The following DRD3 variants were observed in gnomAD, a reference collection of about 807,000 sequenced individuals.
The protein encoded by DRD3 is dopamine receptor D3.
Under a neutral mutation model 36.3 loss-of-function variants are expected in DRD3, and 19 were observed. The ratio of observed to expected loss-of-function variants is 0.52; its 90% CI spans 0.36 to 0.77. The LOEUF is 0.77. Ranked by LOEUF, DRD3 falls within the 30% of genes least tolerant of loss-of-function variation. The pLI, the probability that DRD3 is intolerant of heterozygous loss-of-function variation, is 0.00. For missense variants in DRD3, 465 were observed against 505.3 expected, an observed-to-expected ratio of 0.92 and a Z score of 0.77; for synonymous variants, 195 against 203.7, an observed-to-expected ratio of 0.96 and a Z score of 0.36.
chr3:114,190,410 TAATATATATATATATATA>T lies in DRD3; in HGVS notation c.-156+8845_-156+8862del, dbSNP rs1560006079. Among the ~76,000 whole-genome samples the T allele has an allele frequency of 2.4e-4, 14 of 58,190 alleles. No homozygotes were observed. In the East Asian group the frequency reaches 5.2e-3, roughly 21 times the overall value. 38.2% of individuals were successfully genotyped at this position (58,190 alleles called of 152,430 possible). A position where few individuals can be genotyped will look rare whatever the true frequency, so the allele number is the denominator to read the frequency against. The stretch of plus-strand genomic sequence containing the variant: ...AATGCATCCTAGAGAGGAAAAAGGA[TAATATATATATATATATA>T]TATATATATATATATATATATATAT... On this transcript the variant is annotated intron_variant, in intron 1 of 7. Transcript: ENST00000460779.
At chr3:114,193,228 A>C (rs1278165620) in intron 1 of DRD3, among the ~76,000 whole-genome samples, 1 of 152,160 alleles carries the variant, frequency 6.6e-6, no homozygotes, top group Admixed American at 6.6e-5. Context: ...GGAGTGAGCC[A>C]AGATCGCGCC....
chr3:114,170,043 A>C (rs1185517493), intron 2 of DRD3, among the ~76,000 whole-genome samples: 1 of 152,208 alleles, frequency 6.6e-6, no homozygotes, highest in Non-Finnish European at 1.5e-5. Flanking sequence ...AGAAATGGAC[A>C]AAAACATTTT....
At chr3:114,145,458 C>A (rs1004838388) in intron 4 of DRD3, among the ~76,000 whole-genome samples, 1 of 152,126 alleles carries the variant, frequency 6.6e-6, no homozygotes, top group Non-Finnish European at 1.5e-5. Context: ...GATAACATCA[C>A]CATATTTTGA....
chr3:114,136,082 A>T (rs2077472269), intron 5 of DRD3, among the ~76,000 whole-genome samples: 1 of 152,222 alleles, frequency 6.6e-6, no homozygotes, highest in South Asian at 2.1e-4. Context: ...AAACTAGGGG[A>T]TGGGAAACAA....
chr3:114,193,551 C>T (rs2078022823), intron 1 of DRD3, among the ~76,000 whole-genome samples: 1 of 152,198 alleles, frequency 6.6e-6, no homozygotes, highest in Non-Finnish European at 1.5e-5. Flanking sequence ...TACTGGACTT[C>T]TATTTCACCT....
intron 1 of DRD3, among the ~76,000 whole-genome samples, chr3:114,193,311 A>G (rs2078021818): frequency 2.0e-5 from 3 of 152,058 alleles, no homozygotes; most frequent in Admixed American, 6.6e-5. Context: ...CAACAACAAC[A>G]ACAACAGAAC....
rs75091114 is a variant in DRD3, at chr3:114,171,709, T to C, written c.270+14A>G. On this transcript the variant is annotated intron_variant, in intron 2 of 6. Coordinates refer to ENST00000383673, the MANE Select transcript of DRD3 (RefSeq NM_000796.6). ...CACAGTCATAGAGACAACATGCACC[T>C]GAAGTCTACTCACCTCCAGGTATAC... The C allele has an allele frequency of 7.7e-4, 1,207 of 1,576,900 alleles. 3 individuals carry two copies. Among genetic ancestry groups the C allele is most frequent in the Non-Finnish European group, 8.6e-4 (993 of 1,160,748 alleles).
chr3:114,150,888 C>T (rs2077611163), intron 3 of DRD3, among the ~76,000 whole-genome samples: 2 of 152,148 alleles, frequency 1.3e-5, no homozygotes, highest in Admixed American at 6.5e-5. Flanking sequence ...CATTTGCATT[C>T]CCAGAAGGGC....
chr3:114,182,731 C>T (rs973324344), upstream of DRD3, among the ~76,000 whole-genome samples: 25 of 152,274 alleles, frequency 1.6e-4, no homozygotes, highest in African/African-American at 6.0e-4. Context: ...CTAAGTACCT[C>T]ATATAAGTGG....
intron 3 of DRD3, among the ~76,000 whole-genome samples, chr3:114,149,895 C>T (rs1375707414): frequency 1.3e-5 from 2 of 152,030 alleles, no homozygotes; most frequent in Non-Finnish European, 2.9e-5. Flanking sequence ...CCTCAGGCTC[C>T]AGATGAGAAC....
chr3:114,183,983 G>A (rs1467167189), upstream of DRD3, among the ~76,000 whole-genome samples: 1 of 151,982 alleles, frequency 6.6e-6, no homozygotes, highest in Non-Finnish European at 1.5e-5. Flanking sequence ...GATAAAGAAG[G>A]ACTTACTTCT....
Position 114,144,388 on chromosome 3 carries a change from C to T in DRD3, c.526+3027G>A, listed in dbSNP as rs199885934. Among the ~76,000 whole-genome samples, 133 of 152,292 alleles carry T rather than the reference C, an allele frequency of 8.7e-4. 4 individuals carry two copies. In the South Asian group the frequency reaches 0.015, roughly 17 times the overall value. ...CTGCCCTCTCCCCCTTGATTTTCCA[C>T]AGAAGGTGTAGAAAAAATGACTGAG... On this transcript the variant is annotated intron_variant, in intron 4 of 6. Transcript: ENST00000383673.
chr3:114,150,905 C>T (rs112658863), intron 3 of DRD3, among the ~76,000 whole-genome samples: 2 of 152,188 alleles, frequency 1.3e-5, no homozygotes, highest in East Asian at 1.9e-4. Context: ...GGGCAGATTA[C>T]AGTTAGCTGT....
chr3:114,134,064 G>C (rs763711762), intron 5 of DRD3, among the ~76,000 whole-genome samples: 4 of 152,092 alleles, frequency 2.6e-5, no homozygotes, highest in African/African-American at 4.8e-5. Flanking sequence ...CCTTCTCATT[G>C]AGCCTGTGAG....
At chr3:114,185,454 T>A (rs2077970130) in intron 1 of DRD3, among the ~76,000 whole-genome samples, 1 of 152,194 alleles carries the variant, frequency 6.6e-6, no homozygotes, top group Non-Finnish European at 1.5e-5. Context: ...TTTTGGTTTC[T>A]TTTTAGTGTT....
intron 6 of DRD3, among the ~76,000 whole-genome samples, chr3:114,129,129 G>A (rs2077404357): frequency 6.6e-6 from 1 of 152,050 alleles, no homozygotes; most frequent in Admixed American, 6.6e-5. Flanking sequence ...GATCACCTGA[G>A]GTCAGGAGTA....
intron 1 of DRD3, among the ~76,000 whole-genome samples, chr3:114,196,364 G>C (rs1219461903): frequency 1.3e-5 from 2 of 151,924 alleles, no homozygotes; most frequent in Non-Finnish European, 2.9e-5. Context: ...ACCCAGGCTG[G>C]AGTGCAATGG....
chr3:114,171,575 ACT>A (rs2077842024), intron 2 of DRD3, 146 bp downstream of exon 2: 1 of 1,066,520 alleles, frequency 9.4e-7, no homozygotes, highest in African/African-American at 1.6e-5. Context: ...CAGAGCTTTA[ACT>A]CTCTCATTAC....
chr3:114,154,508 G>T (rs2077647528), intron 3 of DRD3, among the ~76,000 whole-genome samples: 1 of 152,200 alleles, frequency 6.6e-6, no homozygotes, highest in African/African-American at 2.4e-5. Context: ...TATTTGGTCA[G>T]ACAGGGGGCT....
Sources: gnomAD v4.1 joint callset for allele counts (sites outside exome capture counted in the v4.1 genomes callset) on GRCh38, gnomAD v4.1.1 for gene constraint, MANE v1.5 for transcripts, NCBI Gene and HGNC (gene_info 2026-07-23, HGNC 2026-07-21) for gene names.